The following MYOM1 variants were observed in gnomAD, a reference collection of about 807,000 sequenced individuals.
MYOM1 encodes myomesin 1, also known as myomesin-1.
A neutral mutation model predicts 205.3 loss-of-function variants in MYOM1; 164 were observed. The observed-to-expected ratio is 0.80, with a 90% CI of 0.70 to 0.91. The LOEUF is 0.91. MYOM1 is among the 40% of genes least tolerant of loss of function. MYOM1 has a pLI of 0.00. For missense variants in MYOM1, 2,011 were observed against 2,127.3 expected (o/e 0.95, Z 1.08); for synonymous variants, 772 against 789.4 (o/e 0.98, Z 0.37).
chr18:3,091,123 C>T (rs970807579), intron 26 of MYOM1, among the ~76,000 whole-genome samples: 1 of 152,056 alleles, frequency 6.6e-6, no homozygotes, highest in Non-Finnish European at 1.5e-5. Context: ...CGAGACCAGC[C>T]TGACCAATAT....
intron 8 of MYOM1, among the ~76,000 whole-genome samples, chr18:3,172,543 T>G (rs1439628596): frequency 1.3e-5 from 2 of 151,964 alleles, no homozygotes; most frequent in African/African-American, 4.8e-5. Context: ...GGAGTCTCAC[T>G]CTGTTGCCCA....
upstream of MYOM1, among the ~76,000 whole-genome samples, chr18:3,221,609 G>A (rs528968387): frequency 6.6e-6 from 1 of 152,336 alleles, no homozygotes; most frequent in Non-Finnish European, 1.5e-5. Flanking sequence ...CCGTGTACTT[G>A]TAGTCATGTA....
chr18:3,190,500 G>A (rs1401777643), intron 3 of MYOM1: 4 of 152,160 alleles, frequency 2.6e-5, no homozygotes, highest in African/African-American at 9.7e-5. Context: ...AGTCCACGTT[G>A]TTTCTGACTA....
chr18:3,211,212 G>A (rs2081186837), intron 2 of MYOM1, among the ~76,000 whole-genome samples: 2 of 152,136 alleles, frequency 1.3e-5, no homozygotes, highest in East Asian at 3.8e-4. Flanking sequence ...AAGAATGGAA[G>A]GTCCCTGCTT....
At chr18:3,178,870 T>C (rs2080687925) in intron 5 of MYOM1, among the ~76,000 whole-genome samples, 2 of 151,654 alleles carry the variant, frequency 1.3e-5, no homozygotes, top group Admixed American at 1.3e-4. Context: ...CTGATCCACA[T>C]TTACTTTTTT....
At chr18:3,158,940 G>A (rs2080342021) in intron 10 of MYOM1, among the ~76,000 whole-genome samples, 1 of 152,048 alleles carries the variant, frequency 6.6e-6, no homozygotes, top group Admixed American at 6.6e-5. Flanking sequence ...TGTTTTGATT[G>A]CTAATGAAAA....
At chr18:3,149,780 C>A (rs1380485795) in intron 12 of MYOM1, among the ~76,000 whole-genome samples, 1 of 152,082 alleles carries the variant, frequency 6.6e-6, no homozygotes, top group Admixed American at 6.5e-5. Context: ...CTTGTATGAT[C>A]CCATAAACAT....
chr18:3,152,118 G>A lies in MYOM1; in HGVS notation c.1644-225C>T, dbSNP rs1246028329. 6.6e-6 allele frequency among the ~76,000 whole-genome samples: 1 copy of A among 152,050 alleles called. No homozygotes were observed. The highest frequency in any genetic ancestry group is 1.9e-4 in the East Asian group (1 of 5,200). On this transcript the variant is annotated intron_variant, in intron 11 of 37. Coordinates refer to ENST00000356443, the MANE Select transcript of MYOM1 (RefSeq NM_003803.4). The surrounding 1 kb of genome is among the most constrained non-coding windows in gnomAD (Gnocchi z 4.3). ...GAAGCCTCAGGTCCTTCCTGAACTC[G>A]TAAAAAGCAGGCATCTGAGGGGCCT...
At chr18:3,214,800 TG>T in intron 2 of MYOM1, 133 bp downstream of exon 2, 1 of 1,003,266 alleles carries the variant, frequency 1.0e-6, no homozygotes, top group Non-Finnish European at 1.4e-6. Context: ...CACTCCAGCC[TG>T]GGCAACAAGA....
At chr18:3,188,013 AT>A (rs1158224812) in intron 4 of MYOM1, among the ~76,000 whole-genome samples, 2 of 150,706 alleles carry the variant, frequency 1.3e-5, no homozygotes, top group Admixed American at 6.6e-5. Context: ...TAATTTTTGT[AT>A]TTTTAGTAGA....
At chr18:3,115,717 G>T (rs2079594914) in intron 21 of MYOM1, among the ~76,000 whole-genome samples, 1 of 152,210 alleles carries the variant, frequency 6.6e-6, no homozygotes, top group Non-Finnish European at 1.5e-5. Flanking sequence ...ACAAATGAGA[G>T]ATTTGGTGGC....
intron 14 of MYOM1, among the ~76,000 whole-genome samples, chr18:3,141,224 T>C (rs1286273676): frequency 6.6e-6 from 1 of 152,150 alleles, no homozygotes; most frequent in Non-Finnish European, 1.5e-5. Flanking sequence ...TCTTCTCCAT[T>C]TGTTGGGCAT....
At chr18:3,243,461 C>T in the MYOM1 span, among the ~76,000 whole-genome samples, 7 of 152,222 alleles carry the variant, frequency 4.6e-5, no homozygotes, top group East Asian at 1.9e-4. Flanking sequence ...GTTTGGGTAA[C>T]GAAATTTTCC....
intron 17 of MYOM1, 85 bp downstream of exon 17, chr18:3,131,290 A>G: frequency 6.8e-7 from 1 of 1,464,380 alleles, no homozygotes; most frequent in Non-Finnish European, 9.4e-7. Flanking sequence ...TTGGAAGCTA[A>G]ATAATTTCTG....
chr18:3,146,702 A>G (rs1390944206), intron 13 of MYOM1, among the ~76,000 whole-genome samples: 1 of 152,090 alleles, frequency 6.6e-6, no homozygotes, highest in Non-Finnish European at 1.5e-5. Flanking sequence ...CCCTGACATC[A>G]GGAAAAGGCA....
In MYOM1 at chr18:3,135,740, G is replaced by A. The variant is rs1290083859; in HGVS notation, c.2026-10C>T. On this transcript the variant is annotated splice_polypyrimidine_tract_variant and intron_variant, in intron 14 of 37. Transcript: ENST00000356443. This position sits in a 1 kb window ranked among gnomAD's most constrained non-coding sequence, Gnocchi z 4.1. ...CTGTTCCTGCCTCACACTGCAGCAAGAACAGGGAAACCCATTGAAAGCACA... is the reference window on the plus strand; with the variant it reads ...CTGTTCCTGCCTCACACTGCAGCAAAAACAGGGAAACCCATTGAAAGCACA... 2 of 1,613,586 alleles carry A rather than the reference G, an allele frequency of 1.2e-6. No homozygotes were observed. Among genetic ancestry groups the A allele is most frequent in the Admixed American group, 3.3e-5 (2 of 59,966 alleles).
intron 5 of MYOM1, among the ~76,000 whole-genome samples, chr18:3,185,994 G>A (rs1287635566): frequency 9.2e-5 from 14 of 152,086 alleles, no homozygotes; most frequent in East Asian, 7.7e-4. Flanking sequence ...TCAGGAGTTC[G>A]AGACCAGCCT....
intron 22 of MYOM1, among the ~76,000 whole-genome samples, chr18:3,104,193 TAAGAA>T (rs1214486338): frequency 6.6e-6 from 1 of 152,226 alleles, no homozygotes; most frequent in Non-Finnish European, 1.5e-5. Context: ...TATTAAAACT[TAAGAA>T]AAGGCTAACA....
intron 1 of MYOM1, 94 bp from the exon 2 acceptor site, chr18:3,215,345 G>T: frequency 2.0e-6 from 2 of 1,021,112 alleles, no homozygotes; most frequent in Non-Finnish European, 2.8e-6. Context: ...AATACTCTTG[G>T]CTGGGTGCGG....
Sources: gnomAD v4.1 joint callset for allele counts (sites outside exome capture counted in the v4.1 genomes callset) on GRCh38, gnomAD v4.1.1 for gene constraint, Gnocchi (gnomAD v3.1) non-coding constraint, MANE v1.5 for transcripts, NCBI Gene and HGNC (gene_info 2026-07-23, HGNC 2026-07-21) for gene names.